KSR2: variants seen among roughly 807,000 people sequenced by gnomAD.
The protein encoded by KSR2 is kinase suppressor of ras 2.
In KSR2, 25 loss-of-function variants were observed where a neutral mutation model predicts 107.8. The ratio of observed to expected loss-of-function variants is 0.23; its 90% confidence interval spans 0.17 to 0.32. The LOEUF (loss-of-function observed/expected upper bound fraction) is 0.32, where lower values mean the gene tolerates loss of function less well. KSR2 is among the 10% of genes least tolerant of loss of function. KSR2 has a pLI of 1.00. For missense variants in KSR2, 887 were observed against 1,268.9 expected (o/e 0.70, Z 4.57); for synonymous variants, 480 against 507.0 (o/e 0.95, Z 0.71).
intron 12 of KSR2, among the ~76,000 whole-genome samples, chr12:117,529,961 C>T (rs571175376): frequency 2.0e-5 from 3 of 152,292 alleles, no homozygotes; most frequent in South Asian, 4.1e-4. Flanking sequence ...GCTGAGGCTG[C>T]AGTGAACCGT....
At chr12:117,602,608 T>A (rs1565921046) in intron 5 of KSR2, among the ~76,000 whole-genome samples, 1 of 152,250 alleles carries the variant, frequency 6.6e-6, no homozygotes, top group Non-Finnish European at 1.5e-5. Flanking sequence ...TTTCATTGTG[T>A]GATACACATA....
intron 5 of KSR2, among the ~76,000 whole-genome samples, chr12:117,596,087 G>T (rs1322724066): frequency 1.6e-5 from 2 of 126,254 alleles, no homozygotes; most frequent in African/African-American, 6.2e-5. Context: ...CTGTTCTCAT[G>T]CTGCCAATAA....
At position 117,530,872 on chromosome 12, in the gene KSR2, A is replaced by C. The variant is rs1051438764; in HGVS notation, c.1802+69T>G. The C allele has an allele frequency of 3.8e-6, 5 of 1,332,058 alleles. No homozygotes were observed. In the African/African-American group the frequency reaches 7.2e-5, roughly 19 times the overall value. The allele number at this position is 1,332,058 out of a possible 1,614,324, so 82.5% of individuals were successfully genotyped here. A position where few individuals can be genotyped will look rare whatever the true frequency, so the allele number is the denominator to read the frequency against. On this transcript the variant is annotated intron_variant, in intron 12 of 19. Transcript: ENST00000339824. Reference sequence around the variant, plus strand: ...GGAAGAGAAGGAAAGAAGATAGGGAACCTGAGTGGATTGTAGGGCCAGGGC... The same window carrying C: ...GGAAGAGAAGGAAAGAAGATAGGGACCCTGAGTGGATTGTAGGGCCAGGGC...
chr12:117,556,249 G>A (rs1877689225), intron 8 of KSR2, among the ~76,000 whole-genome samples: 1 of 152,166 alleles, frequency 6.6e-6, no homozygotes, highest in Non-Finnish European at 1.5e-5. Context: ...TCAAATGTCA[G>A]CCTCTGAAAG....
intron 19 of KSR2, 34 bp from the exon 20 acceptor site, chr12:117,467,239 A>C: frequency 1.4e-6 from 1 of 720,162 alleles, no homozygotes; most frequent in Non-Finnish European, 2.5e-6. Flanking sequence ...GAGTGGTGAG[A>C]GGTCACAAGG....
chr12:117,455,591 T>A lies in KSR2; in HGVS notation c.*11608A>T, dbSNP rs1870578746. The A allele has an allele frequency of 6.6e-6, 1 of 152,176 alleles. No homozygotes were observed. Among genetic ancestry groups the A allele is most frequent in the East Asian group, 1.9e-4 (1 of 5,180 alleles). 9.4% of individuals were successfully genotyped at this position (152,176 alleles called of 1,614,324 possible). Reference sequence around the variant, plus strand: ...CTAGTACCCTGAAGGCAGCACCCACTTTTCTCCATTTTTTCCAGAATCACA... The same window carrying A: ...CTAGTACCCTGAAGGCAGCACCCACATTTCTCCATTTTTTCCAGAATCACA... On this transcript the variant is annotated 3_prime_UTR_variant, in exon 20 of 20. Transcript: ENST00000339824.
intron 1 of KSR2, among the ~76,000 whole-genome samples, chr12:117,914,815 C>G (rs1040214369): frequency 1.3e-5 from 2 of 152,204 alleles, no homozygotes; most frequent in African/African-American, 4.8e-5. Context: ...GGATTACAGG[C>G]ATGAGCCACT....
chr12:117,672,063 G>A (rs573868301), intron 4 of KSR2, among the ~76,000 whole-genome samples: 2 of 152,282 alleles, frequency 1.3e-5, no homozygotes, highest in Admixed American at 1.3e-4. Flanking sequence ...GGCCCACGGC[G>A]AGGACCAGCA....
At chr12:117,708,893 C>T (rs549557716) in intron 4 of KSR2, among the ~76,000 whole-genome samples, 1 of 152,164 alleles carries the variant, frequency 6.6e-6, no homozygotes, top group South Asian at 2.1e-4. Flanking sequence ...ATATTTATGA[C>T]CTTATAGTTC....
intron 16 of KSR2, among the ~76,000 whole-genome samples, chr12:117,483,082 G>T (rs920437989): frequency 2.0e-5 from 3 of 152,182 alleles, no homozygotes; most frequent in Non-Finnish European, 4.4e-5. Flanking sequence ...GGCTTCTTGG[G>T]TTCCAACTGG....
chr12:117,655,472 GCTCTGAATCGGCATCCAA>G (rs1884109519), intron 5 of KSR2, among the ~76,000 whole-genome samples: 1 of 152,150 alleles, frequency 6.6e-6, no homozygotes, highest in South Asian at 2.1e-4. Context: ...GGCCGTGTAT[GCTCTGAATCGGCATCCAA>G]TATATGGTAC....
At chr12:117,527,026 G>A (rs1875215030) in intron 13 of KSR2, 45 bp downstream of exon 13, 2 of 1,580,416 alleles carry the variant, frequency 1.3e-6, no homozygotes, top group East Asian at 4.5e-5. Flanking sequence ...GCCAAGTTCT[G>A]GGCAGTCCCT....
intron 4 of KSR2, among the ~76,000 whole-genome samples, chr12:117,711,580 C>T (rs1593157521): frequency 6.6e-6 from 1 of 152,150 alleles, no homozygotes; most frequent in African/African-American, 2.4e-5. Flanking sequence ...AATTGACAGG[C>T]CTTGCTAATT....
intron 17 of KSR2, among the ~76,000 whole-genome samples, chr12:117,473,852 C>A (rs1871621289): frequency 6.6e-6 from 1 of 152,206 alleles, no homozygotes; most frequent in Non-Finnish European, 1.5e-5. Flanking sequence ...TCATTCATCA[C>A]TGTAAGGCAT....
At position 117,466,901 on chromosome 12, in the gene KSR2, C is replaced by A. The variant is rs978122897; in HGVS notation, c.*298G>T. The A allele has an allele frequency of 8.3e-6, 3 of 359,546 alleles. No homozygotes were observed. The highest frequency in any genetic ancestry group is 2.1e-5 in the African/African-American group (1 of 47,802). The allele number at this position is 359,546 out of a possible 1,614,324, so 22.3% of individuals were successfully genotyped here. A position where few individuals can be genotyped will look rare whatever the true frequency, so the allele number is the denominator to read the frequency against. On this transcript the variant is annotated 3_prime_UTR_variant, in exon 20 of 20. Transcript: ENST00000339824. The stretch of plus-strand genomic sequence containing the variant: ...TCCTAGTCCCATAGCCCAAAGGCAC[C>A]ACGTGCAGCCTGCAGTGCTCTCATT...
At chr12:117,727,516 G>A (rs969898267) in intron 4 of KSR2, among the ~76,000 whole-genome samples, 5 of 151,744 alleles carry the variant, frequency 3.3e-5, no homozygotes, top group African/African-American at 1.2e-4. Flanking sequence ...AAGAGGAGAA[G>A]GAGGAGGAGG....
At chr12:117,527,171 A>G (rs1565884714) in intron 12 of KSR2, 52 bp from the exon 13 acceptor site, 1 of 1,364,048 alleles carries the variant, frequency 7.3e-7, no homozygotes, top group Non-Finnish European at 1.0e-6. Flanking sequence ...GCAGGTCTAT[A>G]TATTGAGTTT....
chr12:117,777,107 T>TATATATATATACAC (rs58787858), intron 3 of KSR2, among the ~76,000 whole-genome samples: 4 of 66,156 alleles, frequency 6.0e-5, no homozygotes, highest in African/African-American at 2.4e-4. Flanking sequence ...TATATATATA[T>TATATATATATACAC]ACACACACAC....
At chr12:117,600,662 T>A (rs1022280271) in intron 5 of KSR2, among the ~76,000 whole-genome samples, 13 of 152,214 alleles carry the variant, frequency 8.5e-5, no homozygotes, top group African/African-American at 2.7e-4. Flanking sequence ...AATGTCAACA[T>A]CTTTGCACTT....
Sources: allele counts gnomAD v4.1 joint callset (sites outside exome capture counted in the v4.1 genomes callset), GRCh38; gene constraint gnomAD v4.1.1; transcripts MANE v1.5; gene names NCBI Gene and HGNC (gene_info 2026-07-23, HGNC 2026-07-21).